The following GRM5 variants were observed in gnomAD, a reference collection of about 807,000 sequenced individuals.
GRM5 encodes the protein metabotropic glutamate receptor 5.
In GRM5, 19 loss-of-function variants were observed where a neutral mutation model predicts 83.1. The ratio of observed to expected loss-of-function variants is 0.23; its 90% confidence interval spans 0.16 to 0.34. The LOEUF (loss-of-function observed/expected upper bound fraction) is 0.34, where lower values mean the gene tolerates loss of function less well. Ranked by LOEUF, GRM5 falls within the 10% of genes least tolerant of loss-of-function variation. GRM5 has a pLI of 1.00. For synonymous variants in GRM5, 675 were observed against 633.6 expected (o/e 1.07, Z -0.98); for missense variants, 1,160 against 1,588.3 (o/e 0.73, Z 4.58).
chr11:89,037,103 CA>C (rs1941407676), intron 2 of GRM5, among the ~76,000 whole-genome samples: 1 of 151,878 alleles, frequency 6.6e-6, no homozygotes, highest in South Asian at 2.1e-4. Context: ...TTTATATAGC[CA>C]AAAAGTTATC....
chr11:89,042,946 G>A (rs1377120068), intron 2 of GRM5, among the ~76,000 whole-genome samples: 1 of 151,292 alleles, frequency 6.6e-6, no homozygotes, highest in Non-Finnish European at 1.5e-5. Context: ...TCACTGATTT[G>A]TTTTTTGCTG....
At chr11:88,559,540 A>G (rs929646649) in intron 8 of GRM5, among the ~76,000 whole-genome samples, 4 of 152,162 alleles carry the variant, frequency 2.6e-5, no homozygotes, top group Non-Finnish European at 4.4e-5. Flanking sequence ...TGGATATAAA[A>G]AGATTCATTA....
Position 88,525,455 on chromosome 11 carries a change from C to T in GRM5, c.2631-51G>A. 12 of 1,133,474 alleles carry T rather than the reference C, an allele frequency of 1.1e-5. No homozygotes were observed. The South Asian group carries it at 1.6e-4, about 15-fold the overall frequency. The allele number at this position is 1,133,474 out of a possible 1,614,324, so 70.2% of individuals were successfully genotyped here. A position where few individuals can be genotyped will look rare whatever the true frequency, so the allele number is the denominator to read the frequency against. On this transcript the variant is annotated intron_variant, in intron 8 of 9. Coordinates refer to ENST00000305447, the MANE Select transcript of GRM5 (RefSeq NM_001143831.3). The stretch of plus-strand genomic sequence containing the variant: ...GCAAACAGAAAGACGTGATTGTGTG[C>T]TTAACTGCCAGGCTGAGGAACGGCC...
At chr11:88,609,000 C>T (rs1326011721) in intron 4 of GRM5, among the ~76,000 whole-genome samples, 1 of 152,084 alleles carries the variant, frequency 6.6e-6, no homozygotes, top group East Asian at 1.9e-4. Context: ...TTTTCTTCCT[C>T]TTACTTTTAT....
chr11:88,878,935 T>G (rs1276790774), intron 2 of GRM5, among the ~76,000 whole-genome samples: 1 of 152,118 alleles, frequency 6.6e-6, no homozygotes, highest in Non-Finnish European at 1.5e-5. Context: ...TAAAAGAGAC[T>G]GGCACAAATT....
rs549546840 is a variant in GRM5 at position 88,644,687 on chromosome 11, G to C, written c.1147+8481C>G. Among the ~76,000 whole-genome samples, 13 of 152,176 alleles carry C rather than the reference G, an allele frequency of 8.5e-5. 1 individual carries two copies. In the South Asian group the frequency reaches 2.1e-3, roughly 24 times the overall value. The stretch of plus-strand genomic sequence containing the variant: ...CAAAAGGTGAGCATCTCTGTCCAAG[G>C]GTAGAATTTTTGAAGAATACAAGGA... On this transcript the variant is annotated intron_variant, in intron 4 of 9. Transcript: ENST00000305447.
intron 8 of GRM5, among the ~76,000 whole-genome samples, chr11:88,528,281 A>T (rs1475357913): frequency 6.6e-6 from 1 of 152,090 alleles, no homozygotes; most frequent in African/African-American, 2.4e-5. Flanking sequence ...GCAAGCTGAA[A>T]ATGGCATTAA....
chr11:88,512,287 A>G (rs1193584068), intron 9 of GRM5: 3 of 154,422 alleles, frequency 1.9e-5, no homozygotes, highest in Non-Finnish European at 4.4e-5. Flanking sequence ...GCACCAGACC[A>G]TCTGAATAAC....
At chr11:88,803,954 A>T (rs1362670661) in intron 3 of GRM5, among the ~76,000 whole-genome samples, 2 of 151,978 alleles carry the variant, frequency 1.3e-5, no homozygotes, top group Non-Finnish European at 2.9e-5. Flanking sequence ...ATCACTGGCC[A>T]TCAGAGAAAT....
At chr11:88,692,233 T>G (rs1176179387) in intron 3 of GRM5, among the ~76,000 whole-genome samples, 1 of 152,200 alleles carries the variant, frequency 6.6e-6, no homozygotes, top group Non-Finnish European at 1.5e-5. Context: ...TACTAATTCA[T>G]TTTCTGATCT....
At chr11:88,746,048 T>C (rs1437312346) in intron 3 of GRM5, among the ~76,000 whole-genome samples, 1 of 152,174 alleles carries the variant, frequency 6.6e-6, no homozygotes, top group Non-Finnish European at 1.5e-5. Flanking sequence ...GTAATAAGCA[T>C]GCAATAAATG....
intron 9 of GRM5, among the ~76,000 whole-genome samples, chr11:88,520,757 A>G (rs1353232607): frequency 6.6e-6 from 1 of 152,146 alleles, no homozygotes; most frequent in East Asian, 1.9e-4. Context: ...AAGACATTGT[A>G]TTTGGGGCTA....
At chr11:88,595,708 C>G (rs1937779701) in intron 6 of GRM5, among the ~76,000 whole-genome samples, 1 of 152,160 alleles carries the variant, frequency 6.6e-6, no homozygotes. Context: ...AGGGTGAACC[C>G]TCAATTTTCA....
At chr11:88,674,267 C>A (rs546199703) in intron 3 of GRM5, among the ~76,000 whole-genome samples, 3 of 151,992 alleles carry the variant, frequency 2.0e-5, no homozygotes, top group South Asian at 4.2e-4. Flanking sequence ...TCTCTATCCT[C>A]TAGGTGAGTC....
chr11:88,693,639 T>C (rs1011109707), intron 3 of GRM5, among the ~76,000 whole-genome samples: 2 of 152,200 alleles, frequency 1.3e-5, no homozygotes, highest in Non-Finnish European at 2.9e-5. Flanking sequence ...CCTCTCCATA[T>C]GGATGGGCTG....
rs184215946 is a variant in GRM5 at position 88,622,589 on chromosome 11, G to A, written c.1148-17625C>T. ...ATAGCTCAGGAGCTGCATGCTGGAG[G>A]GAGCTACGAGGAAGGGGTGGGGGCG... On this transcript the variant is annotated intron_variant, in intron 4 of 9. Coordinates refer to ENST00000305447, the MANE Select transcript of GRM5 (RefSeq NM_001143831.3). Among the ~76,000 whole-genome samples the A allele has an allele frequency of 4.1e-4, 62 of 152,278 alleles. 1 individual carries two copies. The highest frequency in any genetic ancestry group is 2.7e-3 in the Admixed American group (41 of 15,288).
chr11:89,036,008 G>T (rs1941375743), intron 2 of GRM5, among the ~76,000 whole-genome samples: 1 of 151,988 alleles, frequency 6.6e-6, no homozygotes, highest in African/African-American at 2.4e-5. Context: ...TCTACTGCTT[G>T]TACCTATTTT....
intron 4 of GRM5, among the ~76,000 whole-genome samples, chr11:88,611,257 C>T (rs1938307370): frequency 6.6e-6 from 1 of 152,002 alleles, no homozygotes; most frequent in Admixed American, 6.6e-5. Context: ...AGTACCTTCT[C>T]CTTGTATTTT....
chr11:88,738,445 TG>T (rs1171139612), intron 3 of GRM5, among the ~76,000 whole-genome samples: 2 of 152,056 alleles, frequency 1.3e-5, no homozygotes, highest in African/African-American at 4.8e-5. Context: ...TAGGAAAAGC[TG>T]GGTAAAAAAT....
Sources: gnomAD v4.1 joint callset for allele counts (sites outside exome capture counted in the v4.1 genomes callset) on GRCh38, gnomAD v4.1.1 for gene constraint, MANE v1.5 for transcripts, NCBI Gene and HGNC (gene_info 2026-07-23, HGNC 2026-07-21) for gene names.